Variants in ATP9B observed in about 807,000 individuals in gnomAD.
ATP9B encodes the protein probable phospholipid-transporting ATPase IIB.
Under a neutral mutation model 146.1 loss-of-function variants are expected in ATP9B, and 110 were observed. The observed-to-expected ratio is 0.75, with a 90% CI of 0.65 to 0.88. The LOEUF (loss-of-function observed/expected upper bound fraction) is 0.88, where lower values mean the gene tolerates loss of function less well. ATP9B is among the 40% of genes least tolerant of loss of function. The pLI, the probability that ATP9B is intolerant of heterozygous loss-of-function variation, is 0.00. For synonymous variants in ATP9B, 604 were observed against 569.7 expected, an observed-to-expected ratio of 1.06 and a Z score of -0.86; for missense variants, 1,499 against 1,496.4, an observed-to-expected ratio of 1.00 and a Z score of -0.03.
intron 9 of ATP9B, among the ~76,000 whole-genome samples, chr18:79,195,227 A>G (rs917206875): frequency 6.6e-6 from 1 of 150,376 alleles, no homozygotes; most frequent in Non-Finnish European, 1.5e-5. Context: ...TCCTATTTGT[A>G]CAGATTCAAG....
In ATP9B at chr18:79,374,633, C is replaced by G. The variant is rs558727720; in HGVS notation, c.3274+532C>G. ...GACTCAGACCTGCGGGAGGTGAACA[C>G]AGCCGCGTGTGCACTTGTCCTCGTC... is the stretch of plus-strand genomic sequence containing the variant. On this transcript the variant is annotated intron_variant, in intron 28 of 29. Coordinates refer to ENST00000426216, the MANE Select transcript of ATP9B (RefSeq NM_198531.5). Among the ~76,000 whole-genome samples the G allele has an allele frequency of 4.6e-5, 7 of 152,390 alleles. No individual in the cohort carries two copies. In the South Asian group the frequency reaches 1.4e-3, roughly 32 times the overall value.
At position 79,259,216 on chromosome 18, in the gene ATP9B, A is replaced by G. The variant is rs527820477; in HGVS notation, c.1268+5675A>G. ...GTTGACTTTTGTAATTCTAAAATTCATATATGTTCCCTAAATCCTGTGCAT... is the reference window on the plus strand; with the variant it reads ...GTTGACTTTTGTAATTCTAAAATTCGTATATGTTCCCTAAATCCTGTGCAT... On this transcript the variant is annotated intron_variant, in intron 12 of 29. Coordinates refer to ENST00000426216, the MANE Select transcript of ATP9B (RefSeq NM_198531.5). Among the ~76,000 whole-genome samples, 15 of 152,338 alleles carry G rather than the reference A, an allele frequency of 9.8e-5. 1 individual carries two copies. The South Asian group carries it at 3.1e-3, about 32-fold the overall frequency.
intron 12 of ATP9B, chr18:79,255,329 G>T (rs1419948105): frequency 6.6e-6 from 1 of 152,148 alleles, no homozygotes; most frequent in East Asian, 1.9e-4. Context: ...AGATGTGATG[G>T]TCCTTCAGGT....
At chr18:79,233,740 G>A (rs1322371437) in intron 11 of ATP9B, among the ~76,000 whole-genome samples, 1 of 152,146 alleles carries the variant, frequency 6.6e-6, no homozygotes, top group Non-Finnish European at 1.5e-5. Flanking sequence ...AACAATCCAC[G>A]CATAAGTTTT....
At chr18:79,361,791 G>A (rs1327661390) in intron 26 of ATP9B, 7 of 985,316 alleles carry the variant, frequency 7.1e-6, no homozygotes, top group Non-Finnish European at 8.4e-6. Context: ...TGATGATCGG[G>A]GCAGCTGGAG....
intron 8 of ATP9B, among the ~76,000 whole-genome samples, chr18:79,187,483 A>G (rs1011030033): frequency 1.3e-5 from 2 of 152,218 alleles, no homozygotes; most frequent in African/African-American, 4.8e-5. Context: ...ACCAGCTGCA[A>G]AGAATGCTGA....
At chr18:79,256,284 T>TATATATAC (rs1217998447) in intron 12 of ATP9B, among the ~76,000 whole-genome samples, 14 of 122,846 alleles carry the variant, frequency 1.1e-4, no homozygotes, top group Non-Finnish European at 1.7e-4. Flanking sequence ...TATATATATA[T>TATATATAC]ATACATACAT....
chr18:79,132,225 AT>A (rs2094388677), intron 5 of ATP9B, among the ~76,000 whole-genome samples: 1 of 152,222 alleles, frequency 6.6e-6, no homozygotes, highest in African/African-American at 2.4e-5. Flanking sequence ...CAGTATGTTT[AT>A]TTCAAATGTA....
chr18:79,222,937 A>G (rs528945479), intron 11 of ATP9B, among the ~76,000 whole-genome samples: 42 of 152,368 alleles, frequency 2.8e-4, no homozygotes, highest in African/African-American at 9.4e-4. Flanking sequence ...AGGAAAAATC[A>G]ATTGTGACAG....
chr18:79,161,472 A>G (rs1021943416), intron 7 of ATP9B, among the ~76,000 whole-genome samples: 1 of 152,152 alleles, frequency 6.6e-6, no homozygotes, highest in African/African-American at 2.4e-5. Flanking sequence ...GTTTGTTTTA[A>G]TCTATGCTTC....
chr18:79,076,816 T>G (rs1172141028), intron 1 of ATP9B, among the ~76,000 whole-genome samples: 1 of 152,196 alleles, frequency 6.6e-6, no homozygotes, highest in African/African-American at 2.4e-5. Flanking sequence ...GGTCCTGAGT[T>G]TCTGCTCATT....
At chr18:79,163,136 A>G (rs2094909283) in intron 7 of ATP9B, among the ~76,000 whole-genome samples, 1 of 152,246 alleles carries the variant, frequency 6.6e-6, no homozygotes, top group Admixed American at 6.5e-5. Flanking sequence ...CTTGTGAAAT[A>G]AGTCAAGCTG....
chr18:79,084,476 A>G (rs1469489115), intron 1 of ATP9B, among the ~76,000 whole-genome samples: 1 of 152,156 alleles, frequency 6.6e-6, no homozygotes, highest in African/African-American at 2.4e-5. Flanking sequence ...ATTTTGCTAT[A>G]AACTTAATTC....
At chr18:79,084,319 A>G (rs2073596197) in intron 1 of ATP9B, among the ~76,000 whole-genome samples, 1 of 151,810 alleles carries the variant, frequency 6.6e-6, no homozygotes, top group Non-Finnish European at 1.5e-5. Flanking sequence ...TTTCCATTCC[A>G]CCTATCCCCC....
At chr18:79,090,427 C>T (rs1342991914) in intron 1 of ATP9B, among the ~76,000 whole-genome samples, 1 of 152,188 alleles carries the variant, frequency 6.6e-6, no homozygotes, top group African/African-American at 2.4e-5. Context: ...ACATCCTTGC[C>T]AGCATTTGTT....
At chr18:79,263,529 G>C (rs1369164509) in intron 12 of ATP9B, among the ~76,000 whole-genome samples, 1 of 152,220 alleles carries the variant, frequency 6.6e-6, no homozygotes, top group African/African-American at 2.4e-5. Flanking sequence ...TGTTTTGCTA[G>C]TTTCTATAAT....
chr18:79,376,170 GAA>G, intron 29 of ATP9B: 1 of 760,050 alleles, frequency 1.3e-6, no homozygotes, highest in East Asian at 2.5e-4. Context: ...CTCTACCTTA[GAA>G]ACACACACAC....
chr18:79,101,730 G>T (rs939689561), intron 2 of ATP9B, among the ~76,000 whole-genome samples: 9 of 152,158 alleles, frequency 5.9e-5, no homozygotes, highest in Admixed American at 2.0e-4. Context: ...ATGGTTCATT[G>T]TGTTTTTCAT....
chr18:79,108,578 C>T lies in ATP9B; in HGVS notation c.294-1777C>T, dbSNP rs141569678. On this transcript the variant is annotated intron_variant, in intron 2 of 29. Transcript: ENST00000426216. The stretch of plus-strand genomic sequence containing the variant: ...TGCAAAGCTCAGTCTTTGTGTGCTG[C>T]GGTAGAAGTTCTAGAATAAGGGTGG... 1.4e-3 allele frequency among the ~76,000 whole-genome samples: 211 copies of T among 152,250 alleles called. 2 individuals carry two copies. The highest frequency in any genetic ancestry group is 3.9e-3 in the African/African-American group (162 of 41,556).
Sources: gnomAD v4.1 joint callset for allele counts (sites outside exome capture counted in the v4.1 genomes callset) on GRCh38, gnomAD v4.1.1 for gene constraint, MANE v1.5 for transcripts, NCBI Gene and HGNC (gene_info 2026-07-23, HGNC 2026-07-21) for gene names.